Variants in CHAF1A observed in about 807,000 individuals in gnomAD.
The protein encoded by CHAF1A is chromatin assembly factor 1 subunit A.
Under a neutral mutation model 93.2 loss-of-function variants are expected in CHAF1A, and 5 were observed. The observed-to-expected ratio is 0.05, with a 90% CI of 0.03 to 0.11. CHAF1A has a LOEUF of 0.11. CHAF1A is among the 10% of genes least tolerant of loss of function. The pLI is 1.00. For synonymous variants in CHAF1A, 504 were observed against 510.3 expected, an observed-to-expected ratio of 0.99 and a Z score of 0.17; for missense variants, 1,102 against 1,259.9, an observed-to-expected ratio of 0.87 and a Z score of 1.90.
chr19:4,447,523 GC>G, downstream of CHAF1A: 1 of 1,612,218 alleles, frequency 6.2e-7, no homozygotes, highest in Non-Finnish European at 8.5e-7. Context: ...CCCAGCCTGG[GC>G]CCCGGGGGCC....
In CHAF1A at chr19:4,422,821, G is replaced by A; in HGVS notation, c.1247+26G>A. The A allele has an allele frequency of 6.2e-7, 1 of 1,603,778 alleles. No individual in the cohort carries two copies. The highest frequency in any genetic ancestry group is 1.1e-5 in the South Asian group (1 of 90,706). On this transcript the variant is annotated intron_variant, in intron 5 of 14. Transcript: ENST00000301280. The surrounding 1 kb of genome is among the most constrained non-coding windows in gnomAD (Gnocchi z 4.6). Reference sequence around the variant, plus strand: ...GTGAGTGTCCTTGGAGGCCATGCTGGGCCCGCCACCCTGCTGCTGGATTCC... The same window carrying A: ...GTGAGTGTCCTTGGAGGCCATGCTGAGCCCGCCACCCTGCTGCTGGATTCC...
At chr19:4,411,644 C>CTGTTTTTTTTTTTTTTTTTTT (rs1973801951) in intron 3 of CHAF1A, among the ~76,000 whole-genome samples, 1 of 48,204 alleles carries the variant, frequency 2.1e-5, no homozygotes, top group Non-Finnish European at 4.1e-5. Context: ...TGGTGCAAAT[C>CTGTTTTTTTTTTTTTTTTTTT]TTTTTTTTTT....
rs183429632 is a variant in CHAF1A, at chr19:4,404,715, A to G, written c.53-1197A>G. 9.2e-5 allele frequency among the ~76,000 whole-genome samples: 14 copies of G among 152,288 alleles called. No individual in the cohort carries two copies. In the East Asian group the frequency reaches 2.1e-3, roughly 23 times the overall value. On this transcript the variant is annotated intron_variant, in intron 1 of 14. Coordinates refer to ENST00000301280, the MANE Select transcript of CHAF1A (RefSeq NM_005483.3). ...AAACATACGTAGATTAACCAAAATA[A>G]CTAAACTAGGTTTTGCCAAGCCAGA... is the stretch of plus-strand genomic sequence containing the variant.
At chr19:4,429,938 T>A in intron 10 of CHAF1A, 150 bp downstream of exon 10, 1 of 662,504 alleles carries the variant, frequency 1.5e-6, no homozygotes, top group Non-Finnish European at 2.6e-6. Context: ...TGAACGCACC[T>A]CAACATCCAG....
chr19:4,423,705 TA>T, intron 6 of CHAF1A, 100 bp from the exon 7 acceptor site: 3 of 1,212,526 alleles, frequency 2.5e-6, no homozygotes, highest in Non-Finnish European at 3.6e-6. Context: ...GCCTTCAAGC[TA>T]AAATGCTTGA....
At chr19:4,444,124 G>T (rs748953290), downstream of CHAF1A, among the ~76,000 whole-genome samples, 3 of 152,172 alleles carry the variant, frequency 2.0e-5, no homozygotes, top group African/African-American at 7.2e-5. Context: ...CCGGAATCAG[G>T]TCCTGGGGCC....
At chr19:4,423,612 C>T (rs1974029376) in intron 6 of CHAF1A, among the ~76,000 whole-genome samples, 194 bp from the exon 7 acceptor site, 1 of 152,226 alleles carries the variant, frequency 6.6e-6, no homozygotes, top group African/African-American at 2.4e-5. Context: ...GGCACTTCTA[C>T]CCACAAGGGC....
At chr19:4,445,578 C>A, downstream of CHAF1A, 1 of 1,613,770 alleles carries the variant, frequency 6.2e-7, no homozygotes, top group Non-Finnish European at 8.5e-7. Flanking sequence ...TTGATGTCCT[C>A]CAGCACAGCC....
chr19:4,428,988 GTTGC>G (rs1176723394), intron 8 of CHAF1A, 98 bp downstream of exon 8: 2 of 972,526 alleles, frequency 2.1e-6, no homozygotes, highest in Admixed American at 4.5e-5. Flanking sequence ...GGGTCCTTCT[GTTGC>G]TTGCTTCCTA....
At chr19:4,413,291 C>T (rs897721900) in intron 3 of CHAF1A, among the ~76,000 whole-genome samples, 4 of 152,036 alleles carry the variant, frequency 2.6e-5, no homozygotes, top group Non-Finnish European at 5.9e-5. Context: ...AGGCTGGTCT[C>T]GAACTCCTGA....
In CHAF1A at chr19:4,409,705, C is replaced by G. The variant is rs559788543; in HGVS notation, c.906C>G (p.Pro302=). The change falls in exon 3 of 15, where the codon CCC becomes CCG. Residue 302 remains proline (P), a synonymous_variant. Coordinates refer to ENST00000301280, the MANE Select transcript of CHAF1A (RefSeq NM_005483.3). The part of the protein sequence containing the change: ...STSSPEGPPA[P]PKQHSSTSPF... Reference sequence around the variant, plus strand: ...GCTCGCCCGAGGGGCCGCCTGCTCCCCCAAAGCAGCACAGCAGTACCAGTC... The same window carrying G: ...GCTCGCCCGAGGGGCCGCCTGCTCCGCCAAAGCAGCACAGCAGTACCAGTC... 6.2e-7 allele frequency: 1 copy of G among 1,614,122 alleles called. No individual in the cohort carries two copies. Among genetic ancestry groups the G allele is most frequent in the East Asian group, 2.2e-5 (1 of 44,878 alleles).
chr19:4,433,902 T>G lies in CHAF1A; in HGVS notation c.2673+363T>G, dbSNP rs1381208041. Among the ~76,000 whole-genome samples the G allele has an allele frequency of 6.6e-6, 1 of 151,978 alleles. No homozygotes were observed. Among genetic ancestry groups the G allele is most frequent in the Non-Finnish European group, 1.5e-5 (1 of 68,008 alleles). On this transcript the variant is annotated intron_variant, in intron 13 of 14. Coordinates refer to ENST00000301280, the MANE Select transcript of CHAF1A (RefSeq NM_005483.3). This position sits in a 1 kb window ranked among gnomAD's most constrained non-coding sequence, Gnocchi z 5.6. ...GGCGTGAGCCACCTCGCCTGGTGTT[T>G]TTGTGTTTTTTAAATAACCTTACTC...
chr19:4,414,755 G>A (rs776598039), intron 3 of CHAF1A, among the ~76,000 whole-genome samples: 1 of 152,150 alleles, frequency 6.6e-6, no homozygotes, highest in Non-Finnish European at 1.5e-5. Context: ...GTTCCCTTGA[G>A]CTTCCTTCTA....
At chr19:4,431,924 A>C (rs749649764) in intron 11 of CHAF1A, 28 bp from the exon 12 acceptor site, 1 of 1,578,130 alleles carries the variant, frequency 6.3e-7, no homozygotes, top group Non-Finnish European at 8.6e-7. Flanking sequence ...AAGAACCCCA[A>C]ATAAACTTCT....
In CHAF1A at chr19:4,409,296, A is replaced by G. The variant is rs138213365; in HGVS notation, c.497A>G (p.Asn166Ser). The G allele has an allele frequency of 6.8e-6, 11 of 1,614,000 alleles. No individual in the cohort carries two copies. The African/African-American group carries it at 1.5e-4, about 22-fold the overall frequency. The change falls in exon 3 of 15, where the codon AAC becomes AGC. Residue 166 changes from asparagine to serine, a missense_variant. Asn to Ser is a conservative substitution (Grantham distance 46). Around this residue, in one of 6 missense-constraint regions of CHAF1A, gnomAD observed 379 missense variants for 365.7 expected, o/e 1.04. Transcript: ENST00000301280. Reference protein sequence around the residue: ...DQQGLLKAIQNDKLAFPGETL... With the variant: ...DQQGLLKAIQSDKLAFPGETL... ...CAGGGGTTGTTGAAGGCCATTCAGA[A>G]CGACAAGTTGGCATTTCCTGGAGAG... is the stretch of plus-strand genomic sequence containing the variant.
At chr19:4,431,924 A>G in intron 11 of CHAF1A, 28 bp from the exon 12 acceptor site, 3 of 1,578,130 alleles carry the variant, frequency 1.9e-6, no homozygotes, top group Non-Finnish European at 2.6e-6. Flanking sequence ...AAGAACCCCA[A>G]ATAAACTTCT....
Position 4,434,324 on chromosome 19 carries a change from C to T in CHAF1A, c.2673+785C>T, listed in dbSNP as rs573625789. On this transcript the variant is annotated intron_variant, in intron 13 of 14. Transcript: ENST00000301280. ...TCATGCCACTGCACTGCAACCTGGGCGACAGAGCAAGACCCTGTCTCTAAA... is the reference window on the plus strand; with the variant it reads ...TCATGCCACTGCACTGCAACCTGGGTGACAGAGCAAGACCCTGTCTCTAAA... Among the ~76,000 whole-genome samples the T allele has an allele frequency of 6.6e-5, 10 of 152,216 alleles. No individual in the cohort carries two copies. In the East Asian group the frequency reaches 9.7e-4, roughly 15 times the overall value.
chr19:4,446,449 G>C (rs760010141), downstream of CHAF1A: 10 of 1,581,474 alleles, frequency 6.3e-6, no homozygotes, highest in Non-Finnish European at 8.6e-6. Flanking sequence ...GGCTGGCCGG[G>C]GTTCTTCCAC....
At chr19:4,416,350 T>C (rs1973897400) in intron 3 of CHAF1A, among the ~76,000 whole-genome samples, 1 of 152,182 alleles carries the variant, frequency 6.6e-6, no homozygotes, top group Non-Finnish European at 1.5e-5. Flanking sequence ...CTTCTACTAG[T>C]TTGGTTTTCA....
Sources: gnomAD v4.1 joint callset for allele counts (sites outside exome capture counted in the v4.1 genomes callset) on GRCh38, gnomAD v4.1.1 for gene constraint, gnomAD v4.1.1 regional missense constraint, Gnocchi (gnomAD v3.1) non-coding constraint, MANE v1.5 for transcripts, NCBI Gene and HGNC (gene_info 2026-07-23, HGNC 2026-07-21) for gene names.